PTPRD: variants seen among roughly 807,000 people sequenced by gnomAD.
PTPRD encodes the protein receptor-type tyrosine-protein phosphatase delta.
Under a neutral mutation model 214.5 loss-of-function variants are expected in PTPRD, and 34 were observed. That is an observed-to-expected ratio of 0.16 (90% CI 0.12 to 0.21). PTPRD has a LOEUF of 0.21. Among genes scored for constraint, PTPRD ranks in the 10% least tolerant of loss-of-function variants. The probability of loss-of-function intolerance (pLI) is 1.00; values close to 1 mark genes in which losing one functional copy is unlikely to be tolerated. For synonymous variants in PTPRD, 1,128 were observed against 845.7 expected (o/e 1.33, Z -5.79); for missense variants, 2,545 against 2,398.7 (o/e 1.06, Z -1.27).
intron 2 of PTPRD, among the ~76,000 whole-genome samples, chr9:10,485,221 C>A (rs1232666075): frequency 6.6e-6 from 1 of 151,910 alleles, no homozygotes; most frequent in Admixed American, 6.6e-5. Flanking sequence ...CATTGGTCTA[C>A]GTGTCTGTTA....
chr9:8,958,414 G>C (rs558568672), intron 11 of PTPRD, among the ~76,000 whole-genome samples: 1 of 151,866 alleles, frequency 6.6e-6, no homozygotes, highest in Non-Finnish European at 1.5e-5. Context: ...AAATCAAAGG[G>C]CATGAGCATA....
intron 9 of PTPRD, among the ~76,000 whole-genome samples, chr9:9,375,839 G>C (rs2060636603): frequency 1.3e-5 from 2 of 152,084 alleles, no homozygotes; most frequent in South Asian, 4.1e-4. Context: ...AGTTTGCGAT[G>C]ATGAAAAAGT....
Position 9,358,337 on chromosome 9 carries a change from G to A in PTPRD, c.-203+39112C>T, listed in dbSNP as rs149886416. ...GAAATTATTTGATTTTAAGCAGCAT[G>A]TATTCTTTTTGGTGCTTTAAAAATA... On this transcript the variant is annotated intron_variant, in intron 9 of 45. Coordinates refer to ENST00000381196, the MANE Select transcript of PTPRD (RefSeq NM_002839.4). Among the ~76,000 whole-genome samples the A allele has an allele frequency of 6.6e-5, 10 of 151,240 alleles. No individual in the cohort carries two copies. The East Asian group carries it at 1.8e-3, about 27-fold the overall frequency.
At chr9:10,048,725 CCTT>C (rs1411839028) in intron 3 of PTPRD, among the ~76,000 whole-genome samples, 1 of 152,018 alleles carries the variant, frequency 6.6e-6, no homozygotes, top group African/African-American at 2.4e-5. Context: ...CCTCTTAGCT[CCTT>C]ATCAACCCAG....
In PTPRD at chr9:9,594,406, G is replaced by T. The variant is rs185741216; in HGVS notation, c.-286-19625C>A. 2.7e-3 allele frequency among the ~76,000 whole-genome samples: 410 copies of T among 152,110 alleles called. 1 individual carries two copies. The highest frequency in any genetic ancestry group is 9.1e-3 in the African/African-American group (378 of 41,536). ...GCTTGTAGAATTTTTATAGTTTTAG[G>T]TCTTAGATTTAAGTCCTTGATGAAT... On this transcript the variant is annotated intron_variant, in intron 7 of 45. Transcript: ENST00000381196.
chr9:8,777,467 C>G (rs1365875819), intron 11 of PTPRD, among the ~76,000 whole-genome samples: 2 of 152,186 alleles, frequency 1.3e-5, no homozygotes, highest in Non-Finnish European at 2.9e-5. Context: ...CCTCCTTCCT[C>G]AAAATATAAA....
chr9:9,402,759 G>C (rs1005715419), intron 8 of PTPRD, among the ~76,000 whole-genome samples: 2 of 151,368 alleles, frequency 1.3e-5, no homozygotes, highest in African/African-American at 4.9e-5. Context: ...ATTTTCAGTG[G>C]GTACCCATTT....
In PTPRD at chr9:10,421,350, T is replaced by C. The variant is rs544570550; in HGVS notation, c.-599-80333A>G. Among the ~76,000 whole-genome samples, 9 of 152,072 alleles carry C rather than the reference T, an allele frequency of 5.9e-5. No individual in the cohort carries two copies. The East Asian group carries it at 1.8e-3, about 30-fold the overall frequency. The stretch of plus-strand genomic sequence containing the variant: ...GTTTATTCTTATTTCTACTGTAATA[T>C]ATTGACAGCAATGTTGGCAACATTA... On this transcript the variant is annotated intron_variant, in intron 2 of 45. Coordinates refer to ENST00000381196, the MANE Select transcript of PTPRD (RefSeq NM_002839.4).
chr9:9,631,155 C>T (rs1170933100), intron 7 of PTPRD, among the ~76,000 whole-genome samples: 2 of 149,664 alleles, frequency 1.3e-5, no homozygotes, highest in Non-Finnish European at 3.0e-5. Flanking sequence ...GGTCCTTAGA[C>T]AAGCAGCTGT....
chr9:10,607,482 G>A (rs1167765191), intron 2 of PTPRD, among the ~76,000 whole-genome samples: 1 of 151,746 alleles, frequency 6.6e-6, no homozygotes, highest in Admixed American at 6.6e-5. Flanking sequence ...ATGCTCACAT[G>A]CAAACACAAA....
intron 10 of PTPRD, among the ~76,000 whole-genome samples, chr9:9,168,358 T>G (rs2099908122): frequency 6.6e-6 from 1 of 152,208 alleles, no homozygotes; most frequent in Admixed American, 6.6e-5. Flanking sequence ...ATCTTGCCTT[T>G]TTAACCTTGT....
chr9:9,976,807 A>C lies in PTPRD; in HGVS notation c.-471-38197T>G, dbSNP rs548916097. ...TCTCTAGCTAGCTATCTGTCTTCTT[A>C]GACAGTTCACTCCTGAGTTGTCTGT... On this transcript the variant is annotated intron_variant, in intron 4 of 45. Coordinates refer to ENST00000381196, the MANE Select transcript of PTPRD (RefSeq NM_002839.4). 2.0e-5 allele frequency among the ~76,000 whole-genome samples: 3 copies of C among 150,918 alleles called. No individual in the cohort carries two copies. The East Asian group carries it at 5.9e-4, about 30-fold the overall frequency.
rs2153741850 is a variant in PTPRD at position 9,882,210 on chromosome 9, CCT to C, written c.-368+56295_-368+56296del. Among the ~76,000 whole-genome samples the C allele has an allele frequency of 2.0e-5, 3 of 152,140 alleles. No homozygotes were observed. In the East Asian group the frequency reaches 5.8e-4, roughly 29 times the overall value. ...CCCTTCACCACCTGAATTTTTTTAA[CCT>C]CTCTCCTCATTATCATGTCTCTCAT... On this transcript the variant is annotated intron_variant, in intron 5 of 45. Transcript: ENST00000381196.
chr9:8,348,522 G>C (rs549255473), intron 39 of PTPRD, among the ~76,000 whole-genome samples: 85 of 152,094 alleles, frequency 5.6e-4, no homozygotes, highest in Non-Finnish European at 6.8e-4. Context: ...CAAAGTCATA[G>C]GCCAGTCTGG....
At chr9:9,933,819 T>C (rs186508003) in intron 5 of PTPRD, among the ~76,000 whole-genome samples, 39,321 of 148,542 alleles carry the variant, frequency 0.26, 6,039 homozygotes, top group Middle Eastern at 0.46. Flanking sequence ...ATTGACCACA[T>C]ACTTGGAAGT....
chr9:8,753,339 C>G (rs2093697647), intron 11 of PTPRD, among the ~76,000 whole-genome samples: 1 of 152,172 alleles, frequency 6.6e-6, no homozygotes, highest in Admixed American at 6.5e-5. Context: ...ACCAAGTACA[C>G]TGACAGGTAG....
intron 6 of PTPRD, among the ~76,000 whole-genome samples, chr9:9,754,146 G>A (rs769519639): frequency 1.3e-5 from 2 of 152,086 alleles, no homozygotes; most frequent in Non-Finnish European, 2.9e-5. Context: ...ATGGAGGGAT[G>A]AATGGAAATG....
intron 9 of PTPRD, among the ~76,000 whole-genome samples, chr9:9,287,239 A>G (rs1403909471): frequency 6.6e-6 from 1 of 151,454 alleles, no homozygotes; most frequent in Non-Finnish European, 1.5e-5. Flanking sequence ...CCCCAAAACA[A>G]AAGGTATTTA....
intron 8 of PTPRD, among the ~76,000 whole-genome samples, chr9:9,468,108 C>T (rs1336695604): frequency 6.6e-6 from 1 of 152,060 alleles, no homozygotes; most frequent in East Asian, 1.9e-4. Flanking sequence ...TCCTACTAGA[C>T]CTACTGTTAG....
Sources: allele counts gnomAD v4.1 joint callset (sites outside exome capture counted in the v4.1 genomes callset), GRCh38; gene constraint gnomAD v4.1.1; transcripts MANE v1.5; gene names NCBI Gene and HGNC (gene_info 2026-07-23, HGNC 2026-07-21).